Variants in ZNF385D observed in about 807,000 individuals in gnomAD.
ZNF385D encodes zinc finger protein 659.
A neutral mutation model predicts 35.8 loss-of-function variants in ZNF385D; 15 were observed. The observed-to-expected ratio is 0.42, with a 90% CI of 0.28 to 0.64. The LOEUF is 0.64. Ranked by LOEUF, ZNF385D falls within the 30% of genes least tolerant of loss-of-function variation. The pLI, the probability that ZNF385D is intolerant of heterozygous loss-of-function variation, is 0.23. For missense variants in ZNF385D, 474 were observed against 494.6 expected (o/e 0.96, Z 0.39); for synonymous variants, 212 against 186.8 (o/e 1.13, Z -1.10).
intron 3 of ZNF385D, among the ~76,000 whole-genome samples, chr3:21,768,334 A>G (rs1411655959): frequency 6.6e-6 from 1 of 152,106 alleles, no homozygotes; most frequent in Non-Finnish European, 1.5e-5. Context: ...AATTACATTA[A>G]CATAAGAAAT....
At chr3:22,294,201 T>A (rs1008647873) in intron 2 of ZNF385D, among the ~76,000 whole-genome samples, 3 of 152,098 alleles carry the variant, frequency 2.0e-5, no homozygotes, top group Non-Finnish European at 2.9e-5. Context: ...TGGGTAGGTA[T>A]AGGAAACAAA....
intron 3 of ZNF385D, among the ~76,000 whole-genome samples, chr3:22,145,301 C>T (rs1445202444): frequency 6.6e-6 from 1 of 152,168 alleles, no homozygotes; most frequent in African/African-American, 2.4e-5. Flanking sequence ...CAACTTAATA[C>T]AATTTGTGAA....
chr3:21,908,307 G>A (rs561680830), intron 3 of ZNF385D, among the ~76,000 whole-genome samples: 2 of 152,146 alleles, frequency 1.3e-5, no homozygotes, highest in Middle Eastern at 3.4e-3. Context: ...ATGCAAAGCT[G>A]CATGGGAAAT....
intron 2 of ZNF385D, among the ~76,000 whole-genome samples, chr3:21,588,957 G>A (rs776150267): frequency 5.9e-4 from 90 of 152,180 alleles, no homozygotes; most frequent in Middle Eastern, 6.8e-3. Context: ...TTATGTGCTA[G>A]GCATTTTTCT....
At chr3:21,841,234 A>G (rs1160247665) in intron 3 of ZNF385D, among the ~76,000 whole-genome samples, 4 of 152,010 alleles carry the variant, frequency 2.6e-5, no homozygotes, top group African/African-American at 9.7e-5. Flanking sequence ...TCTCTTTAAT[A>G]GCTTCATAGT....
intron 2 of ZNF385D, among the ~76,000 whole-genome samples, chr3:21,619,720 G>C (rs1314110301): frequency 6.6e-6 from 1 of 152,080 alleles, no homozygotes; most frequent in Non-Finnish European, 1.5e-5. Flanking sequence ...GGCCTGCTGA[G>C]GGACTAATGG....
chr3:22,240,527 C>G (rs973030065), intron 2 of ZNF385D, among the ~76,000 whole-genome samples: 1 of 150,968 alleles, frequency 6.6e-6, no homozygotes, highest in Non-Finnish European at 1.5e-5. Flanking sequence ...TATTGAACTC[C>G]TTTCAGATCT....
intron 3 of ZNF385D, among the ~76,000 whole-genome samples, chr3:21,910,644 T>C (rs1005631599): frequency 3.3e-5 from 5 of 151,796 alleles, no homozygotes; most frequent in African/African-American, 4.8e-5. Flanking sequence ...AATAATATAA[T>C]TGTGTGAATG....
chr3:21,820,698 G>T (rs112641660), intron 3 of ZNF385D, among the ~76,000 whole-genome samples: 1 of 150,706 alleles, frequency 6.6e-6, no homozygotes, highest in Non-Finnish European at 1.5e-5. Context: ...AAAATAGAGG[G>T]ACTGTATAAA....
chr3:22,197,742 T>G lies in ZNF385D; in HGVS notation c.107-28707A>C, dbSNP rs540568686. 1.4e-3 allele frequency among the ~76,000 whole-genome samples: 218 copies of G among 152,220 alleles called. 1 individual carries two copies. The highest frequency in any genetic ancestry group is 2.4e-3 in the Non-Finnish European group (161 of 67,986). On this transcript the variant is annotated intron_variant, in intron 2 of 5. Transcript: ENST00000494108. ...TCCCTTCCCCTGCATTCTGTTCAGA[T>G]TCTGGGACTCATGACCCTGCATGGT...
intron 3 of ZNF385D, among the ~76,000 whole-genome samples, chr3:21,544,148 A>G (rs548455512): frequency 3.0e-4 from 45 of 152,344 alleles, no homozygotes; most frequent in Admixed American, 1.8e-3. Context: ...AGAAATAAAA[A>G]CAGCCCTAAA....
At chr3:21,746,811 C>A (rs1230484131) in intron 1 of ZNF385D, among the ~76,000 whole-genome samples, 1 of 152,188 alleles carries the variant, frequency 6.6e-6, no homozygotes, top group Non-Finnish European at 1.5e-5. Flanking sequence ...CTGCTGCCTG[C>A]TGCTTTCTGA....
At chr3:21,716,823 A>G (rs1280109143) in intron 1 of ZNF385D, among the ~76,000 whole-genome samples, 1 of 152,068 alleles carries the variant, frequency 6.6e-6, no homozygotes, top group African/African-American at 2.4e-5. Flanking sequence ...CTCTGCCCTC[A>G]GCGCCTAACA....
intron 3 of ZNF385D, among the ~76,000 whole-genome samples, chr3:21,900,790 C>G (rs1021942535): frequency 1.3e-5 from 2 of 152,176 alleles, no homozygotes; most frequent in African/African-American, 4.8e-5. Flanking sequence ...TGGTACTTGG[C>G]ACCTAGTAAA....
At chr3:22,142,894 A>G (rs57637036) in intron 3 of ZNF385D, among the ~76,000 whole-genome samples, 61 of 152,182 alleles carry the variant, frequency 4.0e-4, no homozygotes, top group African/African-American at 1.4e-3. Flanking sequence ...AAAGAATAGC[A>G]ATAGTAACCC....
chr3:21,519,113 G>A (rs1291453743), intron 3 of ZNF385D, among the ~76,000 whole-genome samples: 2 of 151,744 alleles, frequency 1.3e-5, no homozygotes, highest in South Asian at 2.1e-4. Context: ...TAACAGCTAC[G>A]GGAATAGAAA....
At chr3:21,587,837 G>A (rs1331098899) in intron 2 of ZNF385D, among the ~76,000 whole-genome samples, 5 of 152,160 alleles carry the variant, frequency 3.3e-5, no homozygotes, top group Admixed American at 2.6e-4. Context: ...AGGTGAGAGT[G>A]GGAGGAGAAA....
At chr3:21,809,763 G>T (rs1266120553) in intron 3 of ZNF385D, among the ~76,000 whole-genome samples, 1 of 150,382 alleles carries the variant, frequency 6.6e-6, no homozygotes. Context: ...AAAATACTAG[G>T]TACATTAAAA....
At position 22,148,638 on chromosome 3, in the gene ZNF385D, G is replaced by A. The variant is rs564378021; in HGVS notation, c.325+20179C>T. Among the ~76,000 whole-genome samples the A allele has an allele frequency of 2.6e-5, 4 of 152,276 alleles. No individual in the cohort carries two copies. The East Asian group carries it at 5.8e-4, about 22-fold the overall frequency. On this transcript the variant is annotated intron_variant, in intron 3 of 5. Transcript: ENST00000494108. ...CGTGACAAGTTTACTGAGCAAAGCA[G>A]GAATATGAGCTCCTTCAGATGGTTT...
Sources: gnomAD v4.1 joint callset for allele counts (sites outside exome capture counted in the v4.1 genomes callset) on GRCh38, gnomAD v4.1.1 for gene constraint, MANE v1.5 for transcripts, NCBI Gene and HGNC (gene_info 2026-07-23, HGNC 2026-07-21) for gene names.